MAP7: variants seen among roughly 807,000 people sequenced by gnomAD.
MAP7 encodes the protein ensconsin.
MAP7 carries 52 observed loss-of-function variants against 94.8 expected under a neutral mutation model. The ratio of observed to expected loss-of-function variants is 0.55; its 90% CI spans 0.44 to 0.69. MAP7 has a LOEUF of 0.69. Ranked by LOEUF, MAP7 falls within the 30% of genes least tolerant of loss-of-function variation. The pLI, the probability that MAP7 is intolerant of heterozygous loss-of-function variation, is 0.00. For missense variants in MAP7, 940 were observed against 964.6 expected, an observed-to-expected ratio of 0.97 and a Z score of 0.34; for synonymous variants, 350 against 357.0, an observed-to-expected ratio of 0.98 and a Z score of 0.22.
chr6:136,360,137 A>T lies in MAP7; in HGVS notation c.1804-106T>A, dbSNP rs375143868. ...TATTTAAAATGGTCTGTTATTTTGG[A>T]AAAATACAATATGCACTTTTTTTTT... On this transcript the variant is annotated intron_variant, in intron 13 of 17. Transcript: ENST00000354570. 965 of 955,990 alleles carry T rather than the reference A, an allele frequency of 1.0e-3. 8 individuals carry two copies. The Middle Eastern group carries it at 0.017, about 17-fold the overall frequency. The allele number at this position is 955,990 out of a possible 1,614,324, so 59.2% of individuals were successfully genotyped here.
chr6:136,466,877 G>A, intron 1 of MAP7: 1 of 1,525,886 alleles, frequency 6.6e-7, no homozygotes, highest in Non-Finnish European at 8.8e-7. Flanking sequence ...CCAAATATCA[G>A]TGAAGGGGCC....
At chr6:136,411,874 T>C (rs1018934231) in intron 2 of MAP7, among the ~76,000 whole-genome samples, 177 bp from the exon 3 acceptor site, 5 of 152,228 alleles carry the variant, frequency 3.3e-5, no homozygotes, top group African/African-American at 1.2e-4. Flanking sequence ...TTAGAAGTTT[T>C]CTAAGGATTT....
intron 1 of MAP7, among the ~76,000 whole-genome samples, chr6:136,432,957 C>G (rs1421402053): frequency 1.3e-5 from 2 of 152,052 alleles, no homozygotes; most frequent in East Asian, 3.9e-4. Context: ...TCAGGCTGGT[C>G]TCAAACTTCT....
In MAP7 at chr6:136,511,325, C is replaced by T. The variant is rs147530770; in HGVS notation, c.67+39017G>A. ...GGTGTCACAGAAGAATCAGAGCTAG[C>T]AAATTCATAAAAAGAAAATTTGATT... On this transcript the variant is annotated intron_variant, in intron 1 of 17. Transcript: ENST00000354570. Among the ~76,000 whole-genome samples, 1,384 of 152,128 alleles carry T rather than the reference C, an allele frequency of 9.1e-3. 12 individuals carry two copies. The highest frequency in any genetic ancestry group is 0.013 in the Non-Finnish European group (905 of 67,980).
intron 1 of MAP7, chr6:136,466,813 A>C (rs145618900): frequency 2.2e-5 from 34 of 1,534,648 alleles, no homozygotes; most frequent in Non-Finnish European, 2.9e-5. Context: ...AATATCCTGC[A>C]ACATATCTGC....
intron 3 of MAP7, among the ~76,000 whole-genome samples, chr6:136,408,480 C>T (rs1345688169): frequency 6.6e-6 from 1 of 152,024 alleles, no homozygotes; most frequent in Non-Finnish European, 1.5e-5. Context: ...ATAATCAGAC[C>T]TTTATTCTCC....
Position 136,453,194 on chromosome 6 carries a change from A to T in MAP7, c.68-31395T>A, listed in dbSNP as rs867773448. On this transcript the variant is annotated intron_variant, in intron 1 of 17. Coordinates refer to ENST00000354570, the MANE Select transcript of MAP7 (RefSeq NM_003980.6). Reference sequence around the variant, plus strand: ...CTCGGGAAAAGTTATGTTTTCCCCCATGCTAAAACTAACAAGCCACTGGAA... The same window carrying T: ...CTCGGGAAAAGTTATGTTTTCCCCCTTGCTAAAACTAACAAGCCACTGGAA... Among the ~76,000 whole-genome samples the T allele has an allele frequency of 2.0e-5, 3 of 152,344 alleles. No individual in the cohort carries two copies. The South Asian group carries it at 6.2e-4, about 32-fold the overall frequency.
intron 3 of MAP7, among the ~76,000 whole-genome samples, chr6:136,393,978 A>AT (rs1554242698): frequency 5.2e-3 from 188 of 36,202 alleles, no homozygotes; most frequent in Middle Eastern, 0.021. Context: ...CAGCAAAGGT[A>AT]TTTTTTTTTT....
chr6:136,428,796 T>C (rs1364271608), intron 1 of MAP7, among the ~76,000 whole-genome samples: 2 of 152,120 alleles, frequency 1.3e-5, no homozygotes, highest in Non-Finnish European at 2.9e-5. Flanking sequence ...TGCAGATCTA[T>C]GATAATTTTC....
At chr6:136,421,650 G>A (rs757585742) in intron 2 of MAP7, 51 bp downstream of exon 2, 1 of 1,478,648 alleles carries the variant, frequency 6.8e-7, no homozygotes, top group Admixed American at 1.7e-5. Flanking sequence ...CATGCCTTTA[G>A]GGCATAAAAG....
At chr6:136,434,764 A>C (rs1045486528) in intron 1 of MAP7, among the ~76,000 whole-genome samples, 2 of 152,212 alleles carry the variant, frequency 1.3e-5, no homozygotes, top group Non-Finnish European at 2.9e-5. Context: ...CCAAAACAAA[A>C]GAGTGGTTTT....
At chr6:136,440,949 C>T (rs185316372) in intron 1 of MAP7, among the ~76,000 whole-genome samples, 28 of 152,232 alleles carry the variant, frequency 1.8e-4, no homozygotes, top group Admixed American at 3.9e-4. Context: ...CATGCGGCAC[C>T]TCTCTGTGCC....
chr6:136,420,316 C>A, intron 2 of MAP7: 1 of 736,786 alleles, frequency 1.4e-6, no homozygotes, highest in Non-Finnish European at 2.4e-6. Flanking sequence ...CTGACGTGAC[C>A]AACACCACCC....
chr6:136,363,807 T>C (rs1287111859), intron 10 of MAP7, among the ~76,000 whole-genome samples: 1 of 152,134 alleles, frequency 6.6e-6, no homozygotes, highest in Non-Finnish European at 1.5e-5. Context: ...TGCACAGGAA[T>C]AGCATTGCCA....
chr6:136,373,704 GTTA>G (rs1775253286), intron 7 of MAP7, among the ~76,000 whole-genome samples: 1 of 152,284 alleles, frequency 6.6e-6, no homozygotes, highest in East Asian at 1.9e-4. Context: ...TTTGGACATG[GTTA>G]TAAAAGGACT....
In MAP7 at chr6:136,550,246, G is replaced by A. The variant is rs1452882087; in HGVS notation, c.67+96C>T. On this transcript the variant is annotated intron_variant, in intron 1 of 17. Coordinates refer to ENST00000354570, the MANE Select transcript of MAP7 (RefSeq NM_003980.6). This position sits in a 1 kb window ranked among gnomAD's most constrained non-coding sequence, Gnocchi z 5.1. ...GGCCGCGGCCGCGCGGGCGGGGAGG[G>A]GGCTGCCGGCGCCGGGTGATTTCGG... 5.7e-5 allele frequency: 64 copies of A among 1,128,762 alleles called. No homozygotes were observed. The highest frequency in any genetic ancestry group is 7.0e-5 in the Non-Finnish European group (61 of 874,994). 69.9% of individuals were successfully genotyped at this position (1,128,762 alleles called of 1,614,324 possible).
At chr6:136,377,050 G>A (rs1475282207) in intron 7 of MAP7, among the ~76,000 whole-genome samples, 1 of 147,892 alleles carries the variant, frequency 6.8e-6, no homozygotes, top group Admixed American at 6.6e-5. Flanking sequence ...ACTGGATGTA[G>A]GCTTACCGAC....
chr6:136,421,597 T>G (rs1223300944), intron 2 of MAP7, 104 bp downstream of exon 2: 1 of 1,127,086 alleles, frequency 8.9e-7, no homozygotes, highest in East Asian at 2.5e-5. Context: ...TCGAGTTTTC[T>G]GGAAACTAGA....
rs34137334 is a variant in MAP7, at chr6:136,418,862, A to G, written c.166+2839T>C. ...TTACTCAAGGCCAGCCCTCCAACAC[A>G]TAACTCATATTGTCCTTTGAGGAGA... is the stretch of plus-strand genomic sequence containing the variant. On this transcript the variant is annotated intron_variant, in intron 2 of 17. Transcript: ENST00000354570. Among the ~76,000 whole-genome samples, 776 of 152,350 alleles carry G rather than the reference A, an allele frequency of 5.1e-3. 8 individuals are homozygous for G. Among genetic ancestry groups the G allele is most frequent in the Non-Finnish European group, 7.5e-3 (509 of 68,038 alleles).
Sources: allele counts gnomAD v4.1 joint callset (sites outside exome capture counted in the v4.1 genomes callset), GRCh38; gene constraint gnomAD v4.1.1; non-coding constraint Gnocchi (gnomAD v3.1); transcripts MANE v1.5; gene names NCBI Gene and HGNC (gene_info 2026-07-23, HGNC 2026-07-21).